The following RBFOX3 variants were observed in gnomAD, a reference collection of about 807,000 sequenced individuals.
RBFOX3 encodes RNA binding protein fox-1 homolog 3.
In RBFOX3, 17 loss-of-function variants were observed where a neutral mutation model predicts 48.7. The ratio of observed to expected loss-of-function variants is 0.35; its 90% CI spans 0.24 to 0.52. RBFOX3 has a LOEUF of 0.52. Among genes scored for constraint, RBFOX3 ranks in the 20% least tolerant of loss-of-function variants. RBFOX3 has a pLI of 0.94. For missense variants in RBFOX3, 382 were observed against 497.5 expected, an observed-to-expected ratio of 0.77 and a Z score of 2.21; for synonymous variants, 212 against 209.5, an observed-to-expected ratio of 1.01 and a Z score of -0.10.
At chr17:79,620,193 G>A in the RBFOX3 span, among the ~76,000 whole-genome samples, 4 of 130,492 alleles carry the variant, frequency 3.1e-5, no homozygotes, top group African/African-American at 6.1e-5. Context: ...ATGTGCACAT[G>A]CACACACGTG....
intron 2 of RBFOX3, among the ~76,000 whole-genome samples, chr17:79,417,511 C>T (rs1358403368): frequency 1.3e-5 from 2 of 152,246 alleles, no homozygotes; most frequent in African/African-American, 2.4e-5. Context: ...GTCCTGACTA[C>T]AAGCCAATGG....
chr17:79,111,296 G>A lies in RBFOX3; in HGVS notation c.222+4198C>T, dbSNP rs1032938587. ...GGCCCCTCAGACATCAGGCCCTTGC[G>A]GCCCACGTGGGGTCCCTTCTGGCAG... On this transcript the variant is annotated intron_variant, in intron 5 of 14. Transcript: ENST00000693108. This position sits in a 1 kb window ranked among gnomAD's most constrained non-coding sequence, Gnocchi z 4.2. Among the ~76,000 whole-genome samples the A allele has an allele frequency of 3.9e-5, 6 of 152,230 alleles. No individual in the cohort carries two copies. The highest frequency in any genetic ancestry group is 2.0e-4 in the Admixed American group (3 of 15,310).
chr17:79,542,491 C>T (rs558445516), intron 1 of RBFOX3, among the ~76,000 whole-genome samples: 30 of 149,552 alleles, frequency 2.0e-4, no homozygotes, highest in Non-Finnish European at 2.9e-4. Flanking sequence ...GGCAGTCCCA[C>T]GGGCAATTTT....
chr17:79,283,576 A>T (rs888189293), intron 3 of RBFOX3, among the ~76,000 whole-genome samples: 1 of 152,234 alleles, frequency 6.6e-6, no homozygotes, highest in African/African-American at 2.4e-5. Context: ...AATTCGGTCT[A>T]GATTTAAAAG....
chr17:79,570,434 G>A (rs1197430421), intron 1 of RBFOX3, among the ~76,000 whole-genome samples: 3 of 152,140 alleles, frequency 2.0e-5, no homozygotes, highest in African/African-American at 7.2e-5. Flanking sequence ...GGATAGATGG[G>A]CAGATGGATA....
intron 4 of RBFOX3, among the ~76,000 whole-genome samples, chr17:79,219,757 C>G (rs1291697914): frequency 6.6e-6 from 1 of 151,976 alleles, no homozygotes; most frequent in Non-Finnish European, 1.5e-5. Flanking sequence ...TTCCCAGGGT[C>G]CGGTTTCCCA....
intron 4 of RBFOX3, among the ~76,000 whole-genome samples, chr17:79,209,159 C>T (rs1372688265): frequency 1.3e-5 from 2 of 152,070 alleles, no homozygotes; most frequent in Non-Finnish European, 1.5e-5. Flanking sequence ...CTCCCCTCTC[C>T]CACCAGGCCA....
chr17:79,187,287 C>T (rs1450507315), intron 4 of RBFOX3, among the ~76,000 whole-genome samples: 1 of 152,164 alleles, frequency 6.6e-6, no homozygotes, highest in Non-Finnish European at 1.5e-5. Flanking sequence ...AGGTGAATTC[C>T]TCATGCTCCT....
intron 1 of RBFOX3, among the ~76,000 whole-genome samples, chr17:79,519,852 G>A (rs1203547130): frequency 6.6e-6 from 1 of 152,188 alleles, no homozygotes; most frequent in Non-Finnish European, 1.5e-5. Flanking sequence ...TGTCCCGCAT[G>A]GCTGCTGCGA....
intron 4 of RBFOX3, among the ~76,000 whole-genome samples, chr17:79,174,143 C>T (rs1315855076): frequency 2.0e-5 from 3 of 152,122 alleles, no homozygotes; most frequent in African/African-American, 7.2e-5. Flanking sequence ...ACCAGGGAAA[C>T]CTCCAGGGTG....
In RBFOX3 at chr17:79,363,349, G is replaced by GA. The variant is rs949308347; in HGVS notation, c.-174-55526dup. Among the ~76,000 whole-genome samples, 3 of 152,208 alleles carry GA rather than the reference G, an allele frequency of 2.0e-5. No individual in the cohort carries two copies. The highest frequency in any genetic ancestry group is 2.0e-4 in the Admixed American group (3 of 15,308). ...ACTCTCTTGGCAACGCCAGGGAGAGGAACAGGATTCCTGGGATACCCAGGA... is the reference window on the plus strand; with the variant it reads ...ACTCTCTTGGCAACGCCAGGGAGAGGAAACAGGATTCCTGGGATACCCAGGA... On this transcript the variant is annotated intron_variant, in intron 2 of 14. Transcript: ENST00000693108. This position sits in a 1 kb window ranked among gnomAD's most constrained non-coding sequence, Gnocchi z 4.7.
chr17:79,302,450 C>T (rs576344339), intron 3 of RBFOX3, among the ~76,000 whole-genome samples: 11 of 152,206 alleles, frequency 7.2e-5, no homozygotes, highest in East Asian at 1.9e-4. Context: ...GAGGCCGAGG[C>T]GGGTGGATCA....
At chr17:79,474,641 A>G (rs985746730) in intron 2 of RBFOX3, among the ~76,000 whole-genome samples, 3 of 151,758 alleles carry the variant, frequency 2.0e-5, no homozygotes, top group African/African-American at 4.8e-5. Context: ...CCCAGGATCT[A>G]TTTTCTGCTT....
chr17:79,475,210 A>T (rs1298913830), intron 2 of RBFOX3, among the ~76,000 whole-genome samples: 1 of 152,050 alleles, frequency 6.6e-6, no homozygotes, highest in African/African-American at 2.4e-5. Context: ...CTCCCTCTCC[A>T]CTAGGTCTGT....
intron 1 of RBFOX3, among the ~76,000 whole-genome samples, chr17:79,534,988 C>T (rs1221759962): frequency 6.6e-6 from 1 of 152,140 alleles, no homozygotes; most frequent in Non-Finnish European, 1.5e-5. Context: ...CTCTCATGCC[C>T]AGAGGGATCC....
At chr17:79,458,855 C>T (rs2074982595) in intron 2 of RBFOX3, among the ~76,000 whole-genome samples, 1 of 152,202 alleles carries the variant, frequency 6.6e-6, no homozygotes. Flanking sequence ...CCTGTTCCTG[C>T]CTTCACACTC....
intron 2 of RBFOX3, among the ~76,000 whole-genome samples, chr17:79,426,251 C>T (rs1478613433): frequency 1.3e-5 from 2 of 152,132 alleles, no homozygotes; most frequent in Non-Finnish European, 2.9e-5. Context: ...CCCACTTGTC[C>T]CATGCAGGCA....
Position 79,115,694 on chromosome 17 carries a change from CG to C in RBFOX3, c.21del (p.Ala8ProfsTer38), listed in dbSNP as rs771753984. The C allele has an allele frequency of 1.7e-4, 25 of 147,510 alleles. No homozygotes were observed. The highest frequency in any genetic ancestry group is 4.4e-4 in the Admixed American group (3 of 6,892). 9.1% of individuals were successfully genotyped at this position (147,510 alleles called of 1,614,324 possible). A position where few individuals can be genotyped will look rare whatever the true frequency, so the allele number is the denominator to read the frequency against. Reference sequence around the variant, plus strand: ...TTCTGTGGCGGAGGGGGGTACTGGGCGGGGGGGTAGGGCTGGGCCATCGCTT... The same window carrying C: ...TTCTGTGGCGGAGGGGGGTACTGGGCGGGGGGTAGGGCTGGGCCATCGCTT... Reference protein sequence around the residue: MAQPYPPAQYPPPPQNG... With the variant: MAQPYPXAQYPPPPQNG... On this transcript the variant is annotated frameshift_variant, in exon 5 of 15. Transcript: ENST00000693108. LOFTEE classifies it high-confidence loss of function.
the RBFOX3 span, among the ~76,000 whole-genome samples, chr17:79,626,135 C>T: frequency 7.0e-3 from 1,063 of 152,154 alleles, 4 homozygotes; most frequent in Non-Finnish European, 0.012. Context: ...AGTGGGAGAA[C>T]ACAGGAAGTG....
Sources: gnomAD v4.1 joint callset for allele counts (sites outside exome capture counted in the v4.1 genomes callset) on GRCh38, gnomAD v4.1.1 for gene constraint, Gnocchi (gnomAD v3.1) non-coding constraint, MANE v1.5 for transcripts, NCBI Gene and HGNC (gene_info 2026-07-23, HGNC 2026-07-21) for gene names.